Variants in CUL2 observed in about 807,000 individuals in gnomAD.
The protein encoded by CUL2 is cullin 2, also known as cullin-2.
Under a neutral mutation model 110.2 loss-of-function variants are expected in CUL2, and 22 were observed. That is an observed-to-expected ratio of 0.20 (90% CI 0.14 to 0.28). CUL2 has a LOEUF of 0.28. CUL2 is among the 10% of genes least tolerant of loss of function. CUL2 has a pLI of 1.00. For missense variants in CUL2, 631 were observed against 905.5 expected (o/e 0.70, Z 3.89); for synonymous variants, 279 against 293.2 (o/e 0.95, Z 0.49).
At chr10:35,088,019 T>C (rs557791775) in intron 1 of CUL2, among the ~76,000 whole-genome samples, 3 of 152,342 alleles carry the variant, frequency 2.0e-5, no homozygotes, top group East Asian at 1.9e-4. Flanking sequence ...CTCCCTAAAA[T>C]AGGAAAACTG....
At chr10:35,083,425 A>C (rs1451510276) in intron 1 of CUL2, among the ~76,000 whole-genome samples, 1 of 152,188 alleles carries the variant, frequency 6.6e-6, no homozygotes, top group African/African-American at 2.4e-5. Context: ...GCCTAGGAGG[A>C]ATGACACCAC....
At chr10:35,114,277 T>G (rs1168765748) in intron 1 of CUL2, among the ~76,000 whole-genome samples, 1 of 151,642 alleles carries the variant, frequency 6.6e-6, no homozygotes, top group African/African-American at 2.4e-5. Context: ...TTGGCCAGGA[T>G]AGTCTGGAAC....
At chr10:35,071,861 T>C (rs1015864313) in intron 1 of CUL2, among the ~76,000 whole-genome samples, 3 of 152,218 alleles carry the variant, frequency 2.0e-5, no homozygotes, top group African/African-American at 7.2e-5. Context: ...TTACAAGCTC[T>C]AGGAAATGGA....
At chr10:35,064,439 G>A (rs962760182) in intron 2 of CUL2, among the ~76,000 whole-genome samples, 1 of 152,112 alleles carries the variant, frequency 6.6e-6, no homozygotes. Flanking sequence ...TTTTTATACA[G>A]TAAAATTTAT....
At chr10:35,028,720 T>C (rs1281744610) in intron 16 of CUL2, 90 bp downstream of exon 16, 3 of 836,732 alleles carry the variant, frequency 3.6e-6, no homozygotes, top group Non-Finnish European at 5.7e-6. Context: ...CATGAACCCT[T>C]AAGACTCTGA....
chr10:35,049,841 C>A, intron 5 of CUL2, 76 bp from the exon 6 acceptor site: 3 of 877,592 alleles, frequency 3.4e-6, no homozygotes, highest in Non-Finnish European at 5.4e-6. Flanking sequence ...TTTTTTTTAA[C>A]TAAAAATACT....
At chr10:35,061,164 T>C (rs574785728) in intron 3 of CUL2, among the ~76,000 whole-genome samples, 196 bp from the exon 4 acceptor site, 72 of 151,910 alleles carry the variant, frequency 4.7e-4, no homozygotes, top group Non-Finnish European at 6.0e-4. Flanking sequence ...AAAATGAAAG[T>C]GAAGCATCCA....
At chr10:35,068,169 T>A (rs559761630) in intron 2 of CUL2, among the ~76,000 whole-genome samples, 5 of 148,864 alleles carry the variant, frequency 3.4e-5, no homozygotes, top group Non-Finnish European at 7.4e-5. Flanking sequence ...ACCTGTAATC[T>A]CAGCACTTCA....
chr10:35,071,436 G>A, intron 1 of CUL2, 97 bp from the exon 2 acceptor site: 10 of 1,065,000 alleles, frequency 9.4e-6, no homozygotes, highest in Non-Finnish European at 1.4e-5. Flanking sequence ...ACGGAGTCTC[G>A]CTCTGTCGCC....
rs1245144482 is a variant in CUL2 at position 35,009,195 on chromosome 10, TA to T, written c.*1115del. ...ACACTGCTGTTGAGATATATATATA[TA>T]TATATTATATATATATATATATATA... On this transcript the variant is annotated 3_prime_UTR_variant, in exon 21 of 21. Transcript: ENST00000374749. The T allele has an allele frequency of 6.4e-5, 6 of 93,286 alleles. No individual in the cohort carries two copies. The highest frequency in any genetic ancestry group is 1.1e-4 in the Non-Finnish European group (5 of 45,858). 5.8% of individuals were successfully genotyped at this position (93,286 alleles called of 1,614,324 possible).
At chr10:35,120,908 C>CA (rs998760133) in intron 1 of CUL2, among the ~76,000 whole-genome samples, 31 of 151,006 alleles carry the variant, frequency 2.1e-4, no homozygotes, top group African/African-American at 3.4e-4. Flanking sequence ...AAAAAAACAA[C>CA]AAAAAAAAGA....
At chr10:35,058,289 C>T (rs1226749300) in intron 4 of CUL2, among the ~76,000 whole-genome samples, 2 of 152,132 alleles carry the variant, frequency 1.3e-5, no homozygotes, top group African/African-American at 4.8e-5. Flanking sequence ...CCATCCTCTT[C>T]CTGGACGAAT....
intron 9 of CUL2, among the ~76,000 whole-genome samples, chr10:35,038,277 G>A (rs1409060316): frequency 6.6e-6 from 1 of 151,868 alleles, no homozygotes; most frequent in African/African-American, 2.4e-5. Context: ...TGTAATCCCA[G>A]CACTTTGGGA....
At chr10:35,086,029 GA>G (rs1414479614) in intron 1 of CUL2, among the ~76,000 whole-genome samples, 1 of 151,730 alleles carries the variant, frequency 6.6e-6, no homozygotes, top group African/African-American at 2.4e-5. Context: ...TAAAAATAAA[GA>G]AACAAGCAGC....
chr10:35,075,131 A>G (rs2086782238), intron 1 of CUL2, among the ~76,000 whole-genome samples: 1 of 152,186 alleles, frequency 6.6e-6, no homozygotes. Context: ...ATAGGAAAAT[A>G]CAGTTACAAT....
rs1231708675 is a variant in CUL2, at chr10:35,044,822, T to C, written c.553A>G (p.Ile185Val). 1.2e-6 allele frequency: 2 copies of C among 1,613,580 alleles called. No homozygotes were observed. The highest frequency in any genetic ancestry group is 2.2e-5 in the East Asian group (1 of 44,750). Residue 185 changes from isoleucine to valine, a missense_variant, in exon 7 of 21, where the codon ATT becomes GTT. Ile to Val is a conservative substitution (Grantham distance 29). This residue lies in a region of CUL2 where 338 missense variants were observed against 442.5 expected (regional missense o/e 0.76). Transcript: ENST00000374749. Reference protein sequence around the residue: ...DPNQKVIHGVINSFVHVEQYK... With the variant: ...DPNQKVIHGVVNSFVHVEQYK... ...TGTTCAACATGAACAAAGGAGTTAATAACCCCATGGATTACTTTCTGGTTT... is the reference window on the plus strand; with the variant it reads ...TGTTCAACATGAACAAAGGAGTTAACAACCCCATGGATTACTTTCTGGTTT...
At chr10:35,065,270 A>G (rs1289899574) in intron 2 of CUL2, among the ~76,000 whole-genome samples, 1 of 152,182 alleles carries the variant, frequency 6.6e-6, no homozygotes, top group Non-Finnish European at 1.5e-5. Context: ...GCTGGGCATG[A>G]TGGCTGATGC....
chr10:35,026,306 G>C (rs1399954527), intron 16 of CUL2, among the ~76,000 whole-genome samples: 1 of 152,074 alleles, frequency 6.6e-6, no homozygotes, highest in Admixed American at 6.6e-5. Flanking sequence ...TGTCATAAGA[G>C]GATTTCAGAA....
intron 2 of CUL2, among the ~76,000 whole-genome samples, chr10:35,096,225 A>G (rs1409778201): frequency 2.0e-5 from 3 of 152,024 alleles, no homozygotes; most frequent in Non-Finnish European, 4.4e-5. Context: ...CATGGGCAAC[A>G]GAGTAAGGCT....
Sources: allele counts gnomAD v4.1 joint callset (sites outside exome capture counted in the v4.1 genomes callset), GRCh38; gene constraint gnomAD v4.1.1; regional missense constraint gnomAD v4.1.1; transcripts MANE v1.5; gene names NCBI Gene and HGNC (gene_info 2026-07-23, HGNC 2026-07-21).